Variants in AFF1 observed in about 807,000 individuals in gnomAD.
AFF1 encodes the protein AF4/FMR2 family member 1.
AFF1 carries 48 observed loss-of-function variants against 121.7 expected under a neutral mutation model. The observed-to-expected ratio is 0.39, with a 90% CI of 0.31 to 0.50. The LOEUF is 0.50. Ranked by LOEUF, AFF1 falls within the 20% of genes least tolerant of loss-of-function variation. The pLI, the probability that AFF1 is intolerant of heterozygous loss-of-function variation, is 0.76. For missense variants in AFF1, 1,523 were observed against 1,511.7 expected (o/e 1.01, Z -0.12); for synonymous variants, 613 against 563.0 (o/e 1.09, Z -1.26).
chr4:87,010,962 C>A (rs1726681104), intron 2 of AFF1, among the ~76,000 whole-genome samples: 1 of 151,966 alleles, frequency 6.6e-6, no homozygotes, highest in Admixed American at 6.6e-5. Flanking sequence ...GCCTGTAGTC[C>A]CAGCTACGCG....
intron 4 of AFF1, among the ~76,000 whole-genome samples, chr4:87,077,496 T>C (rs1722786439): frequency 6.6e-6 from 1 of 152,168 alleles, no homozygotes; most frequent in Non-Finnish European, 1.5e-5. Context: ...TTTGTGTTTT[T>C]AGTAATGAAT....
At chr4:86,971,811 A>G (rs576165253) in intron 2 of AFF1, among the ~76,000 whole-genome samples, 1 of 152,290 alleles carries the variant, frequency 6.6e-6, no homozygotes, top group East Asian at 1.9e-4. Flanking sequence ...GCCTTCCTGA[A>G]TGAGACAGCA....
intron 8 of AFF1, among the ~76,000 whole-genome samples, chr4:87,099,561 A>T (rs943153051): frequency 6.6e-6 from 1 of 152,100 alleles, no homozygotes; most frequent in African/African-American, 2.4e-5. Flanking sequence ...GGCACACACC[A>T]CCATACCTGG....
intron 1 of AFF1, chr4:86,936,086 C>G (rs997376011): frequency 6.6e-6 from 1 of 152,220 alleles, no homozygotes; most frequent in Admixed American, 6.5e-5. Context: ...TCTCCACCAC[C>G]AGCACCCGCA....
At chr4:87,025,811 G>A (rs1330892466) in intron 2 of AFF1, among the ~76,000 whole-genome samples, 6 of 152,200 alleles carry the variant, frequency 3.9e-5, no homozygotes, top group African/African-American at 1.2e-4. Flanking sequence ...GCATGGGGAT[G>A]TTTGTGTTTC....
At chr4:86,939,945 T>G (rs1372097012) in intron 1 of AFF1, among the ~76,000 whole-genome samples, 1 of 152,238 alleles carries the variant, frequency 6.6e-6, no homozygotes, top group Non-Finnish European at 1.5e-5. Context: ...AAAAGGTTTC[T>G]GAGTCAGACA....
At chr4:87,092,934 G>A (rs1168785417) in intron 7 of AFF1, among the ~76,000 whole-genome samples, 3 of 152,128 alleles carry the variant, frequency 2.0e-5, no homozygotes, top group East Asian at 1.9e-4. Flanking sequence ...TCAGCCGTGG[G>A]TGGGGTTGCT....
intron 11 of AFF1, among the ~76,000 whole-genome samples, chr4:87,113,154 G>A (rs976241182): frequency 1.1e-4 from 16 of 152,210 alleles, no homozygotes; most frequent in African/African-American, 3.6e-4. Context: ...TTAAGGTAAC[G>A]AGCCAGGAAC....
At chr4:86,967,680 G>A (rs1344607178) in intron 2 of AFF1, among the ~76,000 whole-genome samples, 1 of 151,950 alleles carries the variant, frequency 6.6e-6, no homozygotes, top group Non-Finnish European at 1.5e-5. Flanking sequence ...AGATAGGTAG[G>A]TTGGATGCAT....
intron 8 of AFF1, among the ~76,000 whole-genome samples, chr4:87,102,561 T>G (rs1725531878): frequency 6.6e-6 from 1 of 152,196 alleles, no homozygotes; most frequent in Non-Finnish European, 1.5e-5. Context: ...ATTGTAATGA[T>G]AAGCAGTGTC....
chr4:86,963,488 C>T (rs888887601), intron 2 of AFF1, among the ~76,000 whole-genome samples: 1 of 152,048 alleles, frequency 6.6e-6, no homozygotes, highest in Admixed American at 6.6e-5. Context: ...TTAGCGCTTG[C>T]GTTCAGGTTA....
At chr4:87,080,365 T>C (rs1452094160) in intron 4 of AFF1, among the ~76,000 whole-genome samples, 1 of 152,258 alleles carries the variant, frequency 6.6e-6, no homozygotes, top group Non-Finnish European at 1.5e-5. Context: ...TTTTGTGTTC[T>C]TTAAGGACGT....
chr4:87,101,061 T>C (rs1457602294), intron 8 of AFF1, among the ~76,000 whole-genome samples: 1 of 152,206 alleles, frequency 6.6e-6, no homozygotes, highest in African/African-American at 2.4e-5. Flanking sequence ...CTGTGGAAAG[T>C]TTCCCATGAA....
chr4:86,986,857 A>G (rs1351668194), intron 2 of AFF1, among the ~76,000 whole-genome samples: 2 of 152,062 alleles, frequency 1.3e-5, no homozygotes, highest in African/African-American at 4.8e-5. Flanking sequence ...TATTATTATT[A>G]TTTTTAAAAT....
At chr4:86,951,937 T>A (rs1425127520) in intron 2 of AFF1, among the ~76,000 whole-genome samples, 10 of 147,914 alleles carry the variant, frequency 6.8e-5, no homozygotes, top group South Asian at 4.3e-4. Flanking sequence ...TTTTTTTTTT[T>A]AAAGCAAAAA....
At position 87,139,957 on chromosome 4, in the gene AFF1, TCTTA is replaced by T. The variant is rs1159638538; in HGVS notation, c.*4259_*4262del. The T allele has an allele frequency of 4.7e-6, 1 of 213,378 alleles. No individual in the cohort carries two copies. The highest frequency in any genetic ancestry group is 2.3e-5 in the African/African-American group (1 of 44,156). The allele number at this position is 213,378 out of a possible 1,614,324, so 13.2% of individuals were successfully genotyped here. A position where few individuals can be genotyped will look rare whatever the true frequency, so the allele number is the denominator to read the frequency against. ...GCTTTTCTTTAGGTGGCTATAAATT[TCTTA>T]CTGTCAGGAGGAAATGACATTATAT... On this transcript the variant is annotated 3_prime_UTR_variant, in exon 21 of 21. Transcript: ENST00000395146.
intron 2 of AFF1, among the ~76,000 whole-genome samples, chr4:86,991,400 G>A (rs904806666): frequency 6.6e-6 from 1 of 150,720 alleles, no homozygotes; most frequent in African/African-American, 2.5e-5. Context: ...AGCAGAGATC[G>A]CCCCACTGCA....
intron 2 of AFF1, among the ~76,000 whole-genome samples, chr4:87,021,727 T>C (rs1257956182): frequency 6.6e-6 from 1 of 152,246 alleles, no homozygotes; most frequent in Non-Finnish European, 1.5e-5. Context: ...TTGTTCCCTT[T>C]CAATCTTTTA....
intron 2 of AFF1, among the ~76,000 whole-genome samples, chr4:87,028,285 A>C (rs1196367879): frequency 2.0e-5 from 3 of 152,074 alleles, no homozygotes; most frequent in African/African-American, 7.2e-5. Flanking sequence ...ATATCATTAA[A>C]GTTCAGTATT....
Sources: gnomAD v4.1 joint callset for allele counts (sites outside exome capture counted in the v4.1 genomes callset) on GRCh38, gnomAD v4.1.1 for gene constraint, MANE v1.5 for transcripts, NCBI Gene and HGNC (gene_info 2026-07-23, HGNC 2026-07-21) for gene names.